The following MEX3D variants were observed in gnomAD, a reference collection of about 807,000 sequenced individuals.
MEX3D encodes mex-3 RNA binding family member D, also known as RNA-binding protein MEX3D.
A neutral mutation model predicts 6.3 loss-of-function variants in MEX3D; 4 were observed. The ratio of observed to expected loss-of-function variants is 0.64; its 90% CI spans 0.31 to 1.46. MEX3D has a LOEUF of 1.46. Ranked by LOEUF, MEX3D falls within the 40% of genes most tolerant of loss-of-function variation. The pLI is 0.07. For synonymous variants in MEX3D, 626 were observed against 494.1 expected, an observed-to-expected ratio of 1.27 and a Z score of -3.54; for missense variants, 1,038 against 994.4, an observed-to-expected ratio of 1.04 and a Z score of -0.59.
chr19:1,555,862 G>A lies in MEX3D; in HGVS notation c.1657C>T (p.Pro553Ser). The A allele has an allele frequency of 8.3e-6, 11 of 1,329,518 alleles. No homozygotes were observed. The South Asian group carries it at 1.1e-4, about 13-fold the overall frequency. The allele number at this position is 1,329,518 out of a possible 1,614,324, so 82.4% of individuals were successfully genotyped here. The change falls in exon 2 of 2, where the codon CCA becomes TCA. Residue 553 changes from proline (P) to serine (S), a missense_variant. Physicochemically the swap from Pro to Ser is moderately conservative, Grantham distance 74. Coordinates refer to ENST00000402693, the MANE Select transcript of MEX3D (RefSeq NM_203304.4). Reference protein sequence around the residue: ...WRPPQGPVSFPGGAAFSTATS... With the variant: ...WRPPQGPVSFSGGAAFSTATS... ...GCCGTGGAGAAGGCGGCGCCGCCTG[G>A]GAAGGATACGGGGCCCTGCGGGGGT... is the stretch of plus-strand genomic sequence containing the variant.
In MEX3D at chr19:1,556,772, G is replaced by T. The variant is rs188735942; in HGVS notation, c.747C>A (p.Ile249=). 5 of 1,612,516 alleles carry T rather than the reference G, an allele frequency of 3.1e-6. No individual in the cohort carries two copies. The East Asian group carries it at 6.7e-5, about 22-fold the overall frequency. Residue 249 remains isoleucine, a synonymous_variant, in exon 2 of 2, where the codon ATC becomes ATA. Coordinates refer to ENST00000402693, the MANE Select transcript of MEX3D (RefSeq NM_203304.4). This position sits in a 1 kb window ranked among gnomAD's most constrained non-coding sequence, Gnocchi z 7.5. ...EILSAAEHFS[I]IRATRSKAGG... ...CGGCCTTGCTGCGCGTGGCGCGGAT[G>T]ATGGAGAAGTGTTCGGCCGCCGACA...
In MEX3D at chr19:1,555,934, G is replaced by C. The variant is rs1160692423; in HGVS notation, c.1585C>G (p.Leu529Val). ...EPGGLRLELPLSRRGAPDPVG... is the reference protein window; with the variant it reads ...EPGGLRLELPVSRRGAPDPVG... ...GGGTCCGGGGCGCCACGGCGAGACAGCGGGAGCTCCAGGCGGAGGCCGCCG... is the reference window on the plus strand; with the variant it reads ...GGGTCCGGGGCGCCACGGCGAGACACCGGGAGCTCCAGGCGGAGGCCGCCG... Residue 529 changes from leucine (L) to valine (V), a missense_variant, in exon 2 of 2, where the codon CTG becomes GTG. Around this residue, in one of 5 missense-constraint regions of MEX3D, gnomAD observed 581 missense variants for 516.2 expected, o/e 1.13. Coordinates refer to ENST00000402693, the MANE Select transcript of MEX3D (RefSeq NM_203304.4). 6 of 1,187,766 alleles carry C rather than the reference G, an allele frequency of 5.1e-6. No individual in the cohort carries two copies. The highest frequency in any genetic ancestry group is 3.3e-5 in the African/African-American group (2 of 61,396). The allele number at this position is 1,187,766 out of a possible 1,614,324, so 73.6% of individuals were successfully genotyped here. A position where few individuals can be genotyped will look rare whatever the true frequency, so the allele number is the denominator to read the frequency against.
chr19:1,562,835 C>T (rs1167654979), intron 1 of MEX3D, among the ~76,000 whole-genome samples: 3 of 151,446 alleles, frequency 2.0e-5, no homozygotes, highest in Non-Finnish European at 4.4e-5. Flanking sequence ...GCCAACATGG[C>T]GAAACCCCGT....
At chr19:1,566,098 C>T (rs1285617282) in intron 1 of MEX3D, among the ~76,000 whole-genome samples, 1 of 152,182 alleles carries the variant, frequency 6.6e-6, no homozygotes, top group African/African-American at 2.4e-5. Context: ...GGGTATGGGA[C>T]ATGGAGGCCG....
Position 1,556,735 on chromosome 19 carries a change from C to G in MEX3D, c.784G>C (p.Gly262Arg). 1 of 1,611,704 alleles carries G rather than the reference C, an allele frequency of 6.2e-7. No individual in the cohort carries two copies. The highest frequency in any genetic ancestry group is 8.5e-7 in the Non-Finnish European group (1 of 1,179,384). ...AGGTTGGGCGGGCCCTGGGCGGCGC[C>G]GGGCAGACCCCCGGCCTTGCTGCGC... ...ATRSKAGGLP[G>R]AAQGPPNLPG... is the part of the protein sequence containing the mutation. Residue 262 changes from glycine to arginine, a missense_variant, in exon 2 of 2, where the codon GGC (glycine) becomes CGC (arginine). Gly to Arg is a moderately radical substitution (Grantham distance 125). This residue lies in a region of MEX3D where 52 missense variants were observed against 37.4 expected (regional missense o/e 1.39). Coordinates refer to ENST00000402693, the MANE Select transcript of MEX3D (RefSeq NM_203304.4). This position sits in a 1 kb window ranked among gnomAD's most constrained non-coding sequence, Gnocchi z 7.5.
intron 1 of MEX3D, 93 bp from the exon 2 acceptor site, chr19:1,557,016 GC>G: frequency 7.0e-7 from 1 of 1,432,212 alleles, no homozygotes; most frequent in Admixed American, 2.3e-5. Flanking sequence ...CAGTGAGGGA[GC>G]CCCTACCTCC....
intron 1 of MEX3D, among the ~76,000 whole-genome samples, chr19:1,558,049 CAA>C (rs35362564): frequency 0.012 from 1,045 of 83,840 alleles, 43 homozygotes; most frequent in Admixed American, 0.094. Flanking sequence ...GACTCCATTT[CAA>C]AAAAAAAAAA....
chr19:1,556,647 GGCCCCACCACCA>G lies in MEX3D; in HGVS notation c.860_871del (p.Leu287_Gly290del). 5 of 1,610,572 alleles carry G rather than the reference GGCCCCACCACCA, an allele frequency of 3.1e-6. No individual in the cohort carries two copies. The highest frequency in any genetic ancestry group is 4.2e-6 in the Non-Finnish European group (5 of 1,179,112). On this transcript the variant is annotated inframe_deletion, in exon 2 of 2. Transcript: ENST00000402693. The surrounding 1 kb of genome is among the most constrained non-coding windows in gnomAD (Gnocchi z 7.5). ...GATGCGCTTGATGGTGGCGCCCTTG[GGCCCCACCACCA>G]GCCCCACCACCCGGTAGGGCACGCG... is the stretch of plus-strand genomic sequence containing the variant.
chr19:1,560,802 T>C (rs1305011854), intron 1 of MEX3D, among the ~76,000 whole-genome samples: 4 of 152,226 alleles, frequency 2.6e-5, no homozygotes, highest in East Asian at 1.9e-4. Flanking sequence ...GCTCAATTCA[T>C]TGGTGCTGCG....
At position 1,556,271 on chromosome 19, in the gene MEX3D, C is replaced by T. The variant is rs1914552270; in HGVS notation, c.1248G>A (p.Pro416=). The T allele has an allele frequency of 3.9e-6, 5 of 1,297,944 alleles. No individual in the cohort carries two copies. The East Asian group carries it at 1.5e-4, about 38-fold the overall frequency. The allele number at this position is 1,297,944 out of a possible 1,614,324, so 80.4% of individuals were successfully genotyped here. A position where few individuals can be genotyped will look rare whatever the true frequency, so the allele number is the denominator to read the frequency against. The change falls in exon 2 of 2, where the codon CCG becomes CCA. Residue 416 remains proline (P), a synonymous_variant. Coordinates refer to ENST00000402693, the MANE Select transcript of MEX3D (RefSeq NM_203304.4). This position sits in a 1 kb window ranked among gnomAD's most constrained non-coding sequence, Gnocchi z 7.5. ...TGTAGGGGCTGGCGGGGCCTGGGTC[C>T]GGCACGGAGGGGCCGCCGCGGCTGC... ...YAGSRGGPSV[P]DPGPASPYSG...
Position 1,567,803 on chromosome 19 carries a change from C to G in MEX3D, c.256G>C (p.Gly86Arg). ...TCCGCGCCCCCCGCCGCCGCTGCGC[C>G]GTCCCCGGCCGCCCCCTCCTCGTCC... ...DTDEEGAAGD[G>R]AAAAGGADGG... Residue 86 changes from glycine to arginine, a missense_variant, in exon 1 of 2, where the codon GGC becomes CGC. By Grantham distance (125) the Gly-to-Arg change is moderately radical. Transcript: ENST00000402693. This position sits in a 1 kb window ranked among gnomAD's most constrained non-coding sequence, Gnocchi z 6.5. 1 of 955,190 alleles carries G rather than the reference C, an allele frequency of 1.0e-6. No homozygotes were observed. Among genetic ancestry groups the G allele is most frequent in the Non-Finnish European group, 1.2e-6 (1 of 804,564 alleles). 59.2% of individuals were successfully genotyped at this position (955,190 alleles called of 1,614,324 possible). A position where few individuals can be genotyped will look rare whatever the true frequency, so the allele number is the denominator to read the frequency against.
In MEX3D at chr19:1,555,394, G is replaced by A. The variant is rs868636983; in HGVS notation, c.*169C>T. 1 of 1,601,042 alleles carries A rather than the reference G, an allele frequency of 6.2e-7. No homozygotes were observed. Among genetic ancestry groups the A allele is most frequent in the Admixed American group, 1.7e-5 (1 of 59,638 alleles). Reference sequence around the variant, plus strand: ...GCGGGGTCTCCGTCTCCACGCCTGAGGCGGCAGTTAAAGCTCATCTGTAAA... The same window carrying A: ...GCGGGGTCTCCGTCTCCACGCCTGAAGCGGCAGTTAAAGCTCATCTGTAAA... On this transcript the variant is annotated 3_prime_UTR_variant, in exon 2 of 2. Coordinates refer to ENST00000402693, the MANE Select transcript of MEX3D (RefSeq NM_203304.4).
In MEX3D at chr19:1,555,381, T is replaced by C. The variant is rs756753498; in HGVS notation, c.*182A>G. ...GCGCCGCCGGGCTGCGGGGTCTCCGTCTCCACGCCTGAGGCGGCAGTTAAA... is the reference window on the plus strand; with the variant it reads ...GCGCCGCCGGGCTGCGGGGTCTCCGCCTCCACGCCTGAGGCGGCAGTTAAA... On this transcript the variant is annotated 3_prime_UTR_variant, in exon 2 of 2. Coordinates refer to ENST00000402693, the MANE Select transcript of MEX3D (RefSeq NM_203304.4). 13 of 1,598,436 alleles carry C rather than the reference T, an allele frequency of 8.1e-6. No individual in the cohort carries two copies. The highest frequency in any genetic ancestry group is 1.4e-5 in the African/African-American group (1 of 74,056).
In MEX3D at chr19:1,555,798, G is replaced by T. The variant is rs1412216120; in HGVS notation, c.1721C>A (p.Ala574Asp). The T allele has an allele frequency of 7.2e-7, 1 of 1,395,586 alleles. No individual in the cohort carries two copies. Among genetic ancestry groups the T allele is most frequent in the Non-Finnish European group, 9.2e-7 (1 of 1,084,708 alleles). 86.5% of individuals were successfully genotyped at this position (1,395,586 alleles called of 1,614,324 possible). A position where few individuals can be genotyped will look rare whatever the true frequency, so the allele number is the denominator to read the frequency against. ...CTCGGAGGCGCCGGAGTCCAGGGGG[G>T]CGCAGGCGGCGGCCGCGGGGCTGCT... is the stretch of plus-strand genomic sequence containing the variant. ...LPSSPAAAAC[A>D]PLDSGASENS... Residue 574 changes from alanine (A) to aspartate (D), a missense_variant, in exon 2 of 2, where the codon GCC (alanine) becomes GAC (aspartate). Transcript: ENST00000402693.
intron 1 of MEX3D, among the ~76,000 whole-genome samples, chr19:1,566,600 G>A (rs1341574588): frequency 2.0e-5 from 3 of 152,122 alleles, no homozygotes; most frequent in Non-Finnish European, 2.9e-5. Flanking sequence ...CGGGAAGGCA[G>A]GAGAAAGTTG....
rs1308363246 is a variant in MEX3D at position 1,556,291 on chromosome 19, G to T, written c.1228C>A (p.Arg410Ser). 6 of 1,278,560 alleles carry T rather than the reference G, an allele frequency of 4.7e-6. No individual in the cohort carries two copies. In the Admixed American group the frequency reaches 1.3e-4, roughly 29 times the overall value. The allele number at this position is 1,278,560 out of a possible 1,614,324, so 79.2% of individuals were successfully genotyped here. A position where few individuals can be genotyped will look rare whatever the true frequency, so the allele number is the denominator to read the frequency against. The part of the protein sequence containing the change: ...SAPEAFYAGS[R>S]GGPSVPDPGP... ...GGGTCCGGCACGGAGGGGCCGCCGC[G>T]GCTGCCCGCGTAGAAGGCCTCGGGG... Residue 410 changes from arginine (R) to serine (S), a missense_variant, in exon 2 of 2, where the codon CGC (arginine) becomes AGC (serine). Physicochemically the swap from Arg to Ser is moderately radical, Grantham distance 110. This residue lies in a region of MEX3D where 581 missense variants were observed against 516.2 expected (regional missense o/e 1.13). Transcript: ENST00000402693. The surrounding 1 kb of genome is among the most constrained non-coding windows in gnomAD (Gnocchi z 7.5).
In MEX3D at chr19:1,567,750, G is replaced by C; in HGVS notation, c.309C>G (p.Pro103=). The C allele has an allele frequency of 2.1e-6, 2 of 969,710 alleles. No individual in the cohort carries two copies. The highest frequency in any genetic ancestry group is 2.5e-6 in the Non-Finnish European group (2 of 810,058). The allele number at this position is 969,710 out of a possible 1,614,324, so 60.1% of individuals were successfully genotyped here. The change falls in exon 1 of 2, where the codon CCC becomes CCG. Residue 103 remains proline (P), a synonymous_variant. Coordinates refer to ENST00000402693, the MANE Select transcript of MEX3D (RefSeq NM_203304.4). This position sits in a 1 kb window ranked among gnomAD's most constrained non-coding sequence, Gnocchi z 6.5. ...GCGCGCCGGCCTCAGGTCCGTCGGG[G>C]GGCACAGGCTCCGGAGCCGCCCCGC... ...ADGGAAPEPV[P]PDGPEAGAPP...
At position 1,555,764 on chromosome 19, in the gene MEX3D, G is replaced by T; in HGVS notation, c.1755C>A (p.Arg585=). 1.3e-6 allele frequency: 2 copies of T among 1,491,358 alleles called. No individual in the cohort carries two copies. The highest frequency in any genetic ancestry group is 1.8e-6 in the Non-Finnish European group (2 of 1,126,990). 92.4% of individuals were successfully genotyped at this position (1,491,358 alleles called of 1,614,324 possible). Residue 585 remains arginine, a synonymous_variant, in exon 2 of 2, where the codon CGC becomes CGA. Coordinates refer to ENST00000402693, the MANE Select transcript of MEX3D (RefSeq NM_203304.4). ...GGGCCGAGGACGCCGAAGGGGGCTT[G>T]CGGCTGTTCTCGGAGGCGCCGGAGT... ...PLDSGASENS[R]KPPSASSAPA... is the part of the protein sequence containing the mutation.
At chr19:1,562,637 G>A (rs971642597) in intron 1 of MEX3D, among the ~76,000 whole-genome samples, 1 of 152,182 alleles carries the variant, frequency 6.6e-6, no homozygotes, top group African/African-American at 2.4e-5. Context: ...GGTTGAGGCT[G>A]CAGTGAGCTA....
Sources: allele counts gnomAD v4.1 joint callset (sites outside exome capture counted in the v4.1 genomes callset), GRCh38; gene constraint gnomAD v4.1.1; regional missense constraint gnomAD v4.1.1; non-coding constraint Gnocchi (gnomAD v3.1); transcripts MANE v1.5; gene names NCBI Gene and HGNC (gene_info 2026-07-23, HGNC 2026-07-21).